The following PRKN variants were observed in gnomAD, a reference collection of about 807,000 sequenced individuals.
PRKN encodes the protein E3 ubiquitin-protein ligase parkin.
A neutral mutation model predicts 59.5 loss-of-function variants in PRKN; 56 were observed. The observed-to-expected ratio is 0.94, with a 90% CI of 0.76 to 1.18. The LOEUF is 1.18. Among genes scored for constraint, PRKN ranks in the 50% most tolerant of loss-of-function variants. PRKN has a pLI of 0.00. For synonymous variants in PRKN, 250 were observed against 222.1 expected, an observed-to-expected ratio of 1.13 and a Z score of -1.12; for missense variants, 657 against 596.4, an observed-to-expected ratio of 1.10 and a Z score of -1.06.
chr6:161,373,892 G>A lies in PRKN; in HGVS notation c.1167+12902C>T, dbSNP rs1465858833. On this transcript the variant is annotated intron_variant, in intron 10 of 11. Transcript: ENST00000366898. The surrounding 1 kb of genome is among the most constrained non-coding windows in gnomAD (Gnocchi z 4.8). Reference sequence around the variant, plus strand: ...ACCTCTCAGAAATGCTCCTCCTGGGGACACAGTCCTTCGATTCCCTCTTGC... The same window carrying A: ...ACCTCTCAGAAATGCTCCTCCTGGGAACACAGTCCTTCGATTCCCTCTTGC... Among the ~76,000 whole-genome samples the A allele has an allele frequency of 2.0e-5, 3 of 152,162 alleles. No individual in the cohort carries two copies. Among genetic ancestry groups the A allele is most frequent in the African/African-American group, 7.2e-5 (3 of 41,432 alleles).
chr6:161,500,873 TTTC>T (rs1421711225), intron 9 of PRKN, among the ~76,000 whole-genome samples: 1 of 144,144 alleles, frequency 6.9e-6, no homozygotes, highest in Non-Finnish European at 1.5e-5. Flanking sequence ...AGTTTTTTTT[TTTC>T]TTTTTTTTTT....
In PRKN at chr6:161,748,937, G is replaced by T. The variant is rs16893012; in HGVS notation, c.871+36835C>A. ...TTGCCTGTCATGTGTATTCCACAACGCATGAAAAGACCAGACAAAGCGAAA... is the reference window on the plus strand; with the variant it reads ...TTGCCTGTCATGTGTATTCCACAACTCATGAAAAGACCAGACAAAGCGAAA... On this transcript the variant is annotated intron_variant, in intron 7 of 11. Coordinates refer to ENST00000366898, the MANE Select transcript of PRKN (RefSeq NM_004562.3). 2.2e-3 allele frequency among the ~76,000 whole-genome samples: 338 copies of T among 152,266 alleles called. 1 individual carries two copies. Among genetic ancestry groups the T allele is most frequent in the African/African-American group, 7.5e-3 (313 of 41,554 alleles).
intron 5 of PRKN, among the ~76,000 whole-genome samples, chr6:162,046,969 C>T (rs1784275635): frequency 6.6e-6 from 1 of 151,346 alleles, no homozygotes; most frequent in Non-Finnish European, 1.5e-5. Flanking sequence ...ATAAGCTGTC[C>T]TTGAGTCTGA....
intron 7 of PRKN, among the ~76,000 whole-genome samples, chr6:161,632,947 A>G (rs1186299983): frequency 6.6e-6 from 1 of 152,178 alleles, no homozygotes; most frequent in East Asian, 1.9e-4. Context: ...ACAATTCAAG[A>G]TGAGATTTGG....
chr6:161,985,134 C>T (rs1781389980), intron 5 of PRKN, among the ~76,000 whole-genome samples: 1 of 152,220 alleles, frequency 6.6e-6, no homozygotes, highest in Non-Finnish European at 1.5e-5. Flanking sequence ...TATGCGATGT[C>T]ATCTGCTCAG....
At chr6:162,436,655 AT>A (rs1789786064) in intron 2 of PRKN, among the ~76,000 whole-genome samples, 2 of 122,160 alleles carry the variant, frequency 1.6e-5, no homozygotes, top group Non-Finnish European at 3.3e-5. Flanking sequence ...TAACAAATCA[AT>A]TTAAAAACTA....
intron 7 of PRKN, among the ~76,000 whole-genome samples, chr6:161,700,848 G>C (rs1210277074): frequency 3.9e-5 from 6 of 152,168 alleles, no homozygotes; most frequent in African/African-American, 1.2e-4. Context: ...AATATGAAAT[G>C]AAGATCTGAT....
intron 1 of PRKN, among the ~76,000 whole-genome samples, chr6:162,550,716 G>A (rs539676370): frequency 6.6e-6 from 1 of 152,224 alleles, no homozygotes; most frequent in South Asian, 2.1e-4. Flanking sequence ...AGTCTCTGGT[G>A]GATGTGCAAT....
chr6:162,717,616 T>G (rs2128239864), intron 1 of PRKN, among the ~76,000 whole-genome samples: 1 of 148,998 alleles, frequency 6.7e-6, no homozygotes, highest in South Asian at 2.1e-4. Context: ...TCCAGAACTG[T>G]AAGAAAATAA....
At chr6:161,909,221 T>C (rs1477229514) in intron 6 of PRKN, among the ~76,000 whole-genome samples, 1 of 152,222 alleles carries the variant, frequency 6.6e-6, no homozygotes, top group Admixed American at 6.5e-5. Context: ...AGGCATTTTG[T>C]TTCCGCAGAA....
intron 7 of PRKN, among the ~76,000 whole-genome samples, chr6:161,692,770 G>A (rs566786939): frequency 7.6e-4 from 116 of 151,764 alleles, no homozygotes; most frequent in Non-Finnish European, 1.3e-3. Flanking sequence ...ACAAACAAAC[G>A]AACAAACAAA....
At chr6:162,585,724 T>A (rs1248512850) in intron 1 of PRKN, among the ~76,000 whole-genome samples, 1 of 152,090 alleles carries the variant, frequency 6.6e-6, no homozygotes, top group Non-Finnish European at 1.5e-5. Flanking sequence ...TTATTTGATA[T>A]GGAGTTTTGC....
At chr6:161,963,652 G>A (rs1311767741) in intron 6 of PRKN, among the ~76,000 whole-genome samples, 2 of 152,168 alleles carry the variant, frequency 1.3e-5, no homozygotes, top group African/African-American at 2.4e-5. Context: ...CTAATTCATT[G>A]TTTTATCTGA....
chr6:161,565,516 A>T (rs1030190105), intron 8 of PRKN, among the ~76,000 whole-genome samples: 1 of 152,118 alleles, frequency 6.6e-6, no homozygotes, highest in South Asian at 2.1e-4. Context: ...ATGGTGAATG[A>T]GTCCTCACGA....
chr6:161,863,681 C>G (rs1230594210), intron 6 of PRKN, among the ~76,000 whole-genome samples: 1 of 152,164 alleles, frequency 6.6e-6, no homozygotes, highest in Non-Finnish European at 1.5e-5. Flanking sequence ...CCCGCCTCTA[C>G]TCCAGGTGGA....
intron 7 of PRKN, among the ~76,000 whole-genome samples, chr6:161,746,571 TTA>T (rs550102808): frequency 6.2e-4 from 88 of 142,412 alleles, no homozygotes; most frequent in Non-Finnish European, 8.7e-4. Flanking sequence ...ATATATATAT[TTA>T]TATATATATA....
intron 8 of PRKN, among the ~76,000 whole-genome samples, chr6:161,555,607 T>C (rs1191983624): frequency 6.6e-6 from 1 of 152,186 alleles, no homozygotes; most frequent in Non-Finnish European, 1.5e-5. Context: ...TTCTCTTCTA[T>C]TTTGAGCAAA....
intron 4 of PRKN, among the ~76,000 whole-genome samples, chr6:162,127,443 A>G (rs539403733): frequency 6.6e-6 from 1 of 152,238 alleles, no homozygotes; most frequent in African/African-American, 2.4e-5. Context: ...TTCAAAAATC[A>G]GTAGGCATAC....
chr6:162,145,082 T>C (rs908777328), intron 4 of PRKN, among the ~76,000 whole-genome samples: 1 of 152,176 alleles, frequency 6.6e-6, no homozygotes, highest in African/African-American at 2.4e-5. Context: ...TGACTTCCTG[T>C]AGTCAAGGTA....
Sources: allele counts gnomAD v4.1 joint callset (sites outside exome capture counted in the v4.1 genomes callset), GRCh38; gene constraint gnomAD v4.1.1; non-coding constraint Gnocchi (gnomAD v3.1); transcripts MANE v1.5; gene names NCBI Gene and HGNC (gene_info 2026-07-23, HGNC 2026-07-21).